Variants in RNF180 observed in about 807,000 individuals in gnomAD.
RNF180 encodes E3 ubiquitin-protein ligase RNF180.
A neutral mutation model predicts 59.2 loss-of-function variants in RNF180; 38 were observed. The observed-to-expected ratio is 0.64, with a 90% CI of 0.50 to 0.84. The LOEUF (loss-of-function observed/expected upper bound fraction) is 0.84, where lower values mean the gene tolerates loss of function less well. Among genes scored for constraint, RNF180 ranks in the 40% least tolerant of loss-of-function variants. The pLI, the probability that RNF180 is intolerant of heterozygous loss-of-function variation, is 0.00. For synonymous variants in RNF180, 262 were observed against 240.3 expected (o/e 1.09, Z -0.84); for missense variants, 705 against 700.9 (o/e 1.01, Z -0.07).
intron 3 of RNF180, among the ~76,000 whole-genome samples, chr5:64,213,329 G>C (rs1044955123): frequency 1.3e-5 from 2 of 152,078 alleles, no homozygotes; most frequent in African/African-American, 4.8e-5. Flanking sequence ...ATATTGTTTG[G>C]ATGGGCATGA....
chr5:64,367,644 A>C (rs1746503133), intron 7 of RNF180, among the ~76,000 whole-genome samples: 1 of 151,654 alleles, frequency 6.6e-6, no homozygotes, highest in Non-Finnish European at 1.5e-5. Context: ...AAATGAGCAT[A>C]CTAATACCCA....
At chr5:64,182,923 T>C (rs1750684507) in intron 1 of RNF180, among the ~76,000 whole-genome samples, 1 of 152,214 alleles carries the variant, frequency 6.6e-6, no homozygotes, top group South Asian at 2.1e-4. Flanking sequence ...TAAAAGGTGA[T>C]CAAGACTGAA....
chr5:64,338,506 G>T (rs546995573), intron 7 of RNF180, among the ~76,000 whole-genome samples: 6 of 152,064 alleles, frequency 3.9e-5, no homozygotes, highest in South Asian at 2.1e-4. Context: ...GTGGTGGCGG[G>T]TGCCTGTAGT....
chr5:64,222,289 G>GTT (rs61199951), intron 5 of RNF180, among the ~76,000 whole-genome samples: 43 of 151,554 alleles, frequency 2.8e-4, no homozygotes, highest in African/African-American at 9.4e-4. Context: ...TTCCAGCTAT[G>GTT]TTTTTTTTTA....
At chr5:64,193,053 ATTATAC>A (rs1447153977) in intron 1 of RNF180, among the ~76,000 whole-genome samples, 11 of 151,464 alleles carry the variant, frequency 7.3e-5, no homozygotes, top group Non-Finnish European at 1.5e-5. Flanking sequence ...CAAATACATT[ATTATAC>A]TTATATGAGG....
intron 5 of RNF180, among the ~76,000 whole-genome samples, chr5:64,296,877 G>A (rs183041050): frequency 6.6e-6 from 1 of 152,024 alleles, no homozygotes; most frequent in Non-Finnish European, 1.5e-5. Flanking sequence ...GTTTGATTTT[G>A]TATGGGAAAG....
In RNF180 at chr5:64,214,136, T is replaced by G; in HGVS notation, c.810T>G (p.Pro270=). 6.2e-7 allele frequency: 1 copy of G among 1,614,156 alleles called. No individual in the cohort carries two copies. Among genetic ancestry groups the G allele is most frequent in the Non-Finnish European group, 8.5e-7 (1 of 1,180,024 alleles). The change falls in exon 4 of 8, where the codon CCT becomes CCG. Residue 270 remains proline, a synonymous_variant. Transcript: ENST00000389100. ...ETQPIDLSGL[P]LQSSKNSYSF... ...AGCCTATTGACCTTTCAGGCTTGCC[T>G]TTACAATCTAGTAAAAATAGCTATT...
intron 5 of RNF180, among the ~76,000 whole-genome samples, chr5:64,242,143 C>T (rs1011491708): frequency 2.0e-5 from 3 of 152,162 alleles, no homozygotes; most frequent in Non-Finnish European, 4.4e-5. Flanking sequence ...GGGTTTCAGC[C>T]CTACCCTACT....
chr5:64,276,560 G>A (rs1741732674), intron 5 of RNF180, among the ~76,000 whole-genome samples: 1 of 151,954 alleles, frequency 6.6e-6, no homozygotes, highest in African/African-American at 2.4e-5. Flanking sequence ...CAGTGGACAA[G>A]TATAACGATT....
intron 5 of RNF180, among the ~76,000 whole-genome samples, chr5:64,278,165 A>G (rs1291349404): frequency 6.6e-6 from 1 of 152,220 alleles, no homozygotes; most frequent in Non-Finnish European, 1.5e-5. Flanking sequence ...TCGAAATGGC[A>G]TGTGAAAAAG....
intron 5 of RNF180, among the ~76,000 whole-genome samples, chr5:64,305,371 T>G: frequency 6.6e-6 from 1 of 151,642 alleles, no homozygotes; most frequent in East Asian, 1.9e-4. Flanking sequence ...GATTCTTCTC[T>G]TTCTTCCTTT....
At chr5:64,258,507 T>C (rs1214735700) in intron 5 of RNF180, among the ~76,000 whole-genome samples, 1 of 152,046 alleles carries the variant, frequency 6.6e-6, no homozygotes, top group Non-Finnish European at 1.5e-5. Flanking sequence ...GATATAATGG[T>C]TGAGAGTGAG....
At chr5:64,278,362 C>T (rs1741835269) in intron 5 of RNF180, among the ~76,000 whole-genome samples, 1 of 152,040 alleles carries the variant, frequency 6.6e-6, no homozygotes, top group African/African-American at 2.4e-5. Context: ...TTTTAATAGT[C>T]TCAAGAGACA....
chr5:64,223,860 G>C (rs969475586), intron 5 of RNF180, among the ~76,000 whole-genome samples: 4 of 152,062 alleles, frequency 2.6e-5, no homozygotes, highest in Non-Finnish European at 5.9e-5. Context: ...TGGAAGTAGA[G>C]GGGGGGAGAC....
chr5:64,286,373 G>A (rs755376059), intron 5 of RNF180, among the ~76,000 whole-genome samples: 4 of 152,158 alleles, frequency 2.6e-5, no homozygotes, highest in Non-Finnish European at 4.4e-5. Flanking sequence ...GTTACCAGAA[G>A]ACTTGAAGAT....
intron 5 of RNF180, among the ~76,000 whole-genome samples, chr5:64,257,539 C>A (rs1004368723): frequency 1.2e-4 from 19 of 152,236 alleles, no homozygotes; most frequent in African/African-American, 4.1e-4. Flanking sequence ...AGCCTTGCAT[C>A]CCAGGGATGA....
chr5:64,339,915 A>G (rs1745292859), intron 7 of RNF180, among the ~76,000 whole-genome samples: 3 of 152,158 alleles, frequency 2.0e-5, no homozygotes, highest in Admixed American at 2.0e-4. Context: ...AATGGGTAAT[A>G]AGAAAAGGAA....
chr5:64,226,165 G>A (rs551709684), intron 5 of RNF180, among the ~76,000 whole-genome samples: 108 of 152,232 alleles, frequency 7.1e-4, no homozygotes, highest in African/African-American at 2.3e-3. Context: ...CCACAGCTCC[G>A]AAGAGGCAGC....
chr5:64,177,687 C>G (rs1750331964), intron 1 of RNF180, among the ~76,000 whole-genome samples: 1 of 151,562 alleles, frequency 6.6e-6, no homozygotes, highest in African/African-American at 2.4e-5. Flanking sequence ...TGGTATAAAG[C>G]ATAACTTAGT....
Sources: allele counts gnomAD v4.1 joint callset (sites outside exome capture counted in the v4.1 genomes callset), GRCh38; gene constraint gnomAD v4.1.1; transcripts MANE v1.5; gene names NCBI Gene and HGNC (gene_info 2026-07-23, HGNC 2026-07-21).